Variants in PIGK observed in about 807,000 individuals in gnomAD.
PIGK encodes phosphatidylinositol glycan anchor biosynthesis class K.
In PIGK, 42 loss-of-function variants were observed where a neutral mutation model predicts 50.6. The ratio of observed to expected loss-of-function variants is 0.83; its 90% CI spans 0.65 to 1.07. PIGK has a LOEUF of 1.07. PIGK is among the 50% of genes least tolerant of loss of function. The probability of loss-of-function intolerance (pLI) is 0.00; values close to 1 mark genes in which losing one functional copy is unlikely to be tolerated. For synonymous variants in PIGK, 151 were observed against 156.0 expected (o/e 0.97, Z 0.24); for missense variants, 448 against 488.7 (o/e 0.92, Z 0.78).
At chr1:77,190,705 G>A (rs1018352253) in intron 3 of PIGK, among the ~76,000 whole-genome samples, 2 of 152,128 alleles carry the variant, frequency 1.3e-5, no homozygotes, top group African/African-American at 4.8e-5. Context: ...GAGATAAAGA[G>A]GCTAATATTC....
At chr1:77,167,758 A>C (rs1415417382) in intron 4 of PIGK, among the ~76,000 whole-genome samples, 1 of 152,238 alleles carries the variant, frequency 6.6e-6, no homozygotes, top group Non-Finnish European at 1.5e-5. Flanking sequence ...CAAAATAAAA[A>C]ATAAAAATTA....
chr1:77,191,197 G>A (rs553431688), intron 3 of PIGK, among the ~76,000 whole-genome samples: 15 of 152,282 alleles, frequency 9.9e-5, no homozygotes, highest in Admixed American at 2.6e-4. Flanking sequence ...AAAATCAAGA[G>A]TGTTGTAGTC....
At chr1:77,119,715 A>C (rs1363666608) in intron 10 of PIGK, among the ~76,000 whole-genome samples, 2 of 152,154 alleles carry the variant, frequency 1.3e-5, no homozygotes, top group Non-Finnish European at 2.9e-5. Context: ...TCTGTTTCTC[A>C]AGTTTCTCCT....
At chr1:77,145,398 G>A (rs1654746380) in intron 9 of PIGK, among the ~76,000 whole-genome samples, 1 of 151,906 alleles carries the variant, frequency 6.6e-6, no homozygotes, top group Non-Finnish European at 1.5e-5. Flanking sequence ...CAGAAAAACA[G>A]TCAATATAAA....
intron 5 of PIGK, 58 bp downstream of exon 5, chr1:77,166,661 T>G: frequency 1.2e-6 from 1 of 838,660 alleles, no homozygotes; most frequent in South Asian, 1.7e-5. Flanking sequence ...TCCATTTGCC[T>G]TTCTTTTCAA....
At chr1:77,191,882 C>T (rs1655913780) in intron 3 of PIGK, among the ~76,000 whole-genome samples, 1 of 152,182 alleles carries the variant, frequency 6.6e-6, no homozygotes, top group East Asian at 1.9e-4. Flanking sequence ...AAAAATTAGC[C>T]AGGCATGGTG....
At chr1:77,119,392 G>A (rs1654046391) in intron 10 of PIGK, among the ~76,000 whole-genome samples, 1 of 152,082 alleles carries the variant, frequency 6.6e-6, no homozygotes, top group Admixed American at 6.5e-5. Context: ...TCACTGCTGT[G>A]ACAGAAAAAT....
At chr1:77,193,691 A>G (rs1655966146) in intron 3 of PIGK, among the ~76,000 whole-genome samples, 1 of 152,202 alleles carries the variant, frequency 6.6e-6, no homozygotes, top group African/African-American at 2.4e-5. Context: ...CTATATCTTA[A>G]TATTTATTCT....
chr1:77,145,758 GA>G (rs918198631), intron 9 of PIGK, among the ~76,000 whole-genome samples: 7 of 147,460 alleles, frequency 4.7e-5, no homozygotes, highest in Admixed American at 1.3e-4. Context: ...CCTTGAAAAT[GA>G]AAAAAAAAAT....
intron 10 of PIGK, among the ~76,000 whole-genome samples, chr1:77,102,693 C>A (rs1369858432): frequency 6.6e-6 from 1 of 152,148 alleles, no homozygotes; most frequent in Non-Finnish European, 1.5e-5. Context: ...TGTTTTAAAC[C>A]ACCAAATTTC....
At chr1:77,101,146 T>G (rs1485337265) in intron 10 of PIGK, among the ~76,000 whole-genome samples, 1 of 152,186 alleles carries the variant, frequency 6.6e-6, no homozygotes, top group African/African-American at 2.4e-5. Context: ...AACTATTTAT[T>G]ACATCTGATA....
chr1:77,118,305 G>A (rs1227551599), intron 10 of PIGK, among the ~76,000 whole-genome samples: 5 of 151,334 alleles, frequency 3.3e-5, no homozygotes, highest in Non-Finnish European at 5.9e-5. Context: ...TGGCGTGATC[G>A]CAGCTCACTG....
Position 77,089,265 on chromosome 1 carries a change from T to C in PIGK, c.*3109A>G, listed in dbSNP as rs1043167677. 2.0e-5 allele frequency: 3 copies of C among 152,212 alleles called. No individual in the cohort carries two copies. Among genetic ancestry groups the C allele is most frequent in the African/African-American group, 7.2e-5 (3 of 41,444 alleles). The allele number at this position is 152,212 out of a possible 1,614,324, so 9.4% of individuals were successfully genotyped here. A position where few individuals can be genotyped will look rare whatever the true frequency, so the allele number is the denominator to read the frequency against. On this transcript the variant is annotated 3_prime_UTR_variant, in exon 11 of 11. Coordinates refer to ENST00000370812, the MANE Select transcript of PIGK (RefSeq NM_005482.3). ...CAGCAATATTGGAGAACTCTTTCTT[T>C]GTAGTAAATGCCCTTGAGTATGAGA... is the stretch of plus-strand genomic sequence containing the variant.
chr1:77,131,742 T>G (rs974959965), intron 9 of PIGK, among the ~76,000 whole-genome samples: 7 of 152,146 alleles, frequency 4.6e-5, no homozygotes, highest in African/African-American at 1.7e-4. Flanking sequence ...CCTGTAATTT[T>G]AAGATAATTT....
intron 6 of PIGK, 30 bp from the exon 7 acceptor site, chr1:77,161,741 A>C (rs1397953342): frequency 1.1e-6 from 1 of 877,536 alleles, no homozygotes; most frequent in South Asian, 1.3e-5. Context: ...ATCTTTGACA[A>C]GGATCATGCT....
At chr1:77,104,252 C>T (rs533577836) in intron 10 of PIGK, among the ~76,000 whole-genome samples, 43 of 151,940 alleles carry the variant, frequency 2.8e-4, no homozygotes, top group African/African-American at 1.0e-3. Flanking sequence ...GGAGGAAAAA[C>T]AATTACTAGA....
intron 9 of PIGK, among the ~76,000 whole-genome samples, chr1:77,127,643 C>T (rs944189280): frequency 9.9e-5 from 15 of 152,098 alleles, no homozygotes; most frequent in African/African-American, 3.6e-4. Context: ...AGACACTGTG[C>T]TATGCTAGAA....
chr1:77,122,580 C>T (rs1654126892), intron 9 of PIGK, among the ~76,000 whole-genome samples: 1 of 152,108 alleles, frequency 6.6e-6, no homozygotes, highest in African/African-American at 2.4e-5. Flanking sequence ...AATGAGCTAG[C>T]ATCACTTAAT....
At chr1:77,205,202 T>C (rs904341552) in intron 3 of PIGK, among the ~76,000 whole-genome samples, 4 of 152,038 alleles carry the variant, frequency 2.6e-5, no homozygotes, top group East Asian at 1.9e-4. Flanking sequence ...AAGCCATGCA[T>C]AGTGATTCTC....
Sources: allele counts gnomAD v4.1 joint callset (sites outside exome capture counted in the v4.1 genomes callset), GRCh38; gene constraint gnomAD v4.1.1; transcripts MANE v1.5; gene names NCBI Gene and HGNC (gene_info 2026-07-23, HGNC 2026-07-21).